XNDC1N: variants seen among roughly 807,000 people sequenced by gnomAD.
The protein encoded by XNDC1N is XRCC1 N-terminal domain containing 1, N-terminal like, also known as protein XNDC1N.
At chr11:71,896,226 C>A in the XNDC1N span, among the ~76,000 whole-genome samples, 1 of 152,170 alleles carries the variant, frequency 6.6e-6, no homozygotes, top group African/African-American at 2.4e-5. Context: ...TTGCAGTGAG[C>A]CCGGACTGTG....
the XNDC1N span, chr11:71,923,436 T>C: frequency 7.4e-6 from 5 of 674,036 alleles, no homozygotes; most frequent in South Asian, 7.8e-5. Flanking sequence ...GCACTGACTA[T>C]GTGTTAGCTT....
chr11:71,916,332 C>G, the XNDC1N span: 1 of 675,632 alleles, frequency 1.5e-6, no homozygotes, highest in Non-Finnish European at 2.7e-6. Context: ...AAGGTCAATA[C>G]TAAGGAAAAG....
the XNDC1N span, chr11:71,893,904 T>C: frequency 1.8e-5 from 18 of 989,592 alleles, no homozygotes; most frequent in South Asian, 2.1e-4. Context: ...TCTTCTTCGT[T>C]TTGGTGTCCT....
the XNDC1N span, among the ~76,000 whole-genome samples, chr11:71,920,648 T>G: frequency 6.6e-5 from 10 of 152,320 alleles, no homozygotes; most frequent in Admixed American, 5.9e-4. Flanking sequence ...AGTTATTCTG[T>G]GGGATAAGAA....
chr11:71,927,107 G>A, the XNDC1N span, among the ~76,000 whole-genome samples: 1 of 152,008 alleles, frequency 6.6e-6, no homozygotes, highest in Non-Finnish European at 1.5e-5. Context: ...AATTAGCCAG[G>A]TGTGGTGGCA....
At chr11:71,901,440 T>G in the XNDC1N span, among the ~76,000 whole-genome samples, 1 of 151,634 alleles carries the variant, frequency 6.6e-6, no homozygotes, top group African/African-American at 2.4e-5. Context: ...CTACTCAAAA[T>G]AGAAAAAAAT....
At chr11:71,885,882 G>A in the XNDC1N span, among the ~76,000 whole-genome samples, 2 of 151,416 alleles carry the variant, frequency 1.3e-5, no homozygotes, top group Non-Finnish European at 2.9e-5. Flanking sequence ...TATTAATCAT[G>A]TATTGTTACC....
the XNDC1N span, chr11:71,928,091 T>G: frequency 4.2e-6 from 1 of 237,664 alleles, no homozygotes; most frequent in Non-Finnish European, 8.4e-6. Flanking sequence ...GAATGGTGTA[T>G]AAAAAGGAGG....
At chr11:71,911,832 C>G in the XNDC1N span, among the ~76,000 whole-genome samples, 3,524 of 152,230 alleles carry the variant, frequency 0.023, 119 homozygotes, top group African/African-American at 0.081. Flanking sequence ...TGGGGAATTC[C>G]CGCGCTGACT....
chr11:71,903,198 C>A, the XNDC1N span: 5 of 742,856 alleles, frequency 6.7e-6, no homozygotes, highest in South Asian at 5.7e-5. Flanking sequence ...GATACAGACC[C>A]ACAGAGTCTA....
chr11:71,914,230 G>A, the XNDC1N span: 2 of 453,420 alleles, frequency 4.4e-6, no homozygotes, highest in Non-Finnish European at 8.9e-6. Context: ...AAAACCTTCT[G>A]GAAATAATTT....
the XNDC1N span, chr11:71,928,537 A>G: frequency 4.4e-5 from 31 of 702,440 alleles, 1 homozygote; most frequent in South Asian, 3.8e-4. Context: ...GTTTTTGAAA[A>G]TGAGTCCTAC....
At chr11:71,869,616 T>A in the XNDC1N span, among the ~76,000 whole-genome samples, 2 of 152,358 alleles carry the variant, frequency 1.3e-5, no homozygotes, top group African/African-American at 4.8e-5. Flanking sequence ...TGTTCTTTCT[T>A]AAAAGGGCTA....
chr11:71,879,750 T>C, the XNDC1N span, among the ~76,000 whole-genome samples: 1 of 152,146 alleles, frequency 6.6e-6, no homozygotes, highest in South Asian at 2.1e-4. Context: ...AAGAAATCTC[T>C]CCTCCTCCCA....
the XNDC1N span, among the ~76,000 whole-genome samples, chr11:71,908,674 C>G: frequency 1.3e-5 from 2 of 152,118 alleles, no homozygotes; most frequent in Admixed American, 1.3e-4. Flanking sequence ...TACCGAAAAG[C>G]CACAAGCCCT....
the XNDC1N span, chr11:71,884,509 G>A: frequency 1.9e-6 from 3 of 1,609,572 alleles, no homozygotes; most frequent in Non-Finnish European, 2.5e-6. Flanking sequence ...GCTGACTTCA[G>A]CATCTGCTGC....
the XNDC1N span, among the ~76,000 whole-genome samples, chr11:71,908,406 T>C: frequency 6.6e-6 from 1 of 151,982 alleles, no homozygotes; most frequent in Admixed American, 6.6e-5. Flanking sequence ...TTAAAAATTA[T>C]ATTATGGGTT....
the XNDC1N span, among the ~76,000 whole-genome samples, chr11:71,920,390 C>T: frequency 6.6e-6 from 1 of 152,082 alleles, no homozygotes; most frequent in Admixed American, 6.6e-5. Flanking sequence ...TCACTGCAAC[C>T]TCCGCCTCCC....
the XNDC1N span, among the ~76,000 whole-genome samples, chr11:71,896,054 G>A: frequency 1.3e-5 from 2 of 152,226 alleles, no homozygotes; most frequent in African/African-American, 4.8e-5. Flanking sequence ...GAGTCACACA[G>A]ATCACTTGAG....
Sources: gnomAD v4.1 joint callset for allele counts (sites outside exome capture counted in the v4.1 genomes callset) on GRCh38, gnomAD v4.1.1 for gene constraint, MANE v1.5 for transcripts, NCBI Gene and HGNC (gene_info 2026-07-23, HGNC 2026-07-21) for gene names.